PIP5K1B: variants seen among roughly 807,000 people sequenced by gnomAD.
PIP5K1B encodes the protein phosphatidylinositol 4-phosphate 5-kinase type-1 beta.
In PIP5K1B, 42 loss-of-function variants were observed where a neutral mutation model predicts 67.0. That is an observed-to-expected ratio of 0.63 (90% CI 0.49 to 0.81). The LOEUF (loss-of-function observed/expected upper bound fraction) is 0.81. PIP5K1B is among the 30% of genes least tolerant of loss of function. The probability of loss-of-function intolerance (pLI) is 0.00; values close to 1 mark genes in which losing one functional copy is unlikely to be tolerated. For missense variants in PIP5K1B, 459 were observed against 646.3 expected, an observed-to-expected ratio of 0.71 and a Z score of 3.14; for synonymous variants, 214 against 231.4, an observed-to-expected ratio of 0.92 and a Z score of 0.68.
chr9:68,994,979 TAA>T (rs142876737), intron 15 of PIP5K1B, among the ~76,000 whole-genome samples: 196 of 145,724 alleles, frequency 1.3e-3, no homozygotes, highest in Middle Eastern at 3.6e-3. Context: ...CTACAAAAAT[TAA>T]AAAAAAAAAA....
chr9:69,002,353 T>C (rs1888330), intron 15 of PIP5K1B, among the ~76,000 whole-genome samples: 149,238 of 152,322 alleles, frequency 0.98, 73,189 homozygotes, highest in East Asian at 1. Context: ...GAAATTTGGA[T>C]CTGAGCGTGC....
rs11143545 is a variant in PIP5K1B, at chr9:68,722,227, A to G, written c.-243+16465A>G. 5.8e-3 allele frequency among the ~76,000 whole-genome samples: 884 copies of G among 152,018 alleles called. 9 individuals are homozygous for G. The highest frequency in any genetic ancestry group is 0.02 in the African/African-American group (836 of 41,448). On this transcript the variant is annotated intron_variant, in intron 1 of 15. Transcript: ENST00000265382. ...TTATTTTTTATTTTTATTTTTTGAG[A>G]TGGAGTCTCCCTCTGTCACCCAGGC...
At chr9:68,926,917 T>C (rs1826735136) in intron 12 of PIP5K1B, among the ~76,000 whole-genome samples, 1 of 152,052 alleles carries the variant, frequency 6.6e-6, no homozygotes, top group Non-Finnish European at 1.5e-5. Context: ...AGAAACCCCA[T>C]ACCCATTAGC....
intron 4 of PIP5K1B, 94 bp downstream of exon 4, chr9:68,822,777 A>G: frequency 1.2e-6 from 1 of 861,246 alleles, no homozygotes; most frequent in South Asian, 1.5e-5. Context: ...AAGCAGTTGT[A>G]AGTTACTATC....
chr9:68,993,855 G>A (rs1040422184), intron 15 of PIP5K1B, among the ~76,000 whole-genome samples: 1 of 152,064 alleles, frequency 6.6e-6, no homozygotes, highest in Non-Finnish European at 1.5e-5. Flanking sequence ...TCCATGTGTG[G>A]TCCTGCCTAA....
At chr9:68,780,964 C>CT (rs773139435) in intron 2 of PIP5K1B, 3 of 1,614,216 alleles carry the variant, frequency 1.9e-6, no homozygotes, top group Non-Finnish European at 2.5e-6. Context: ...ACCACCGACT[C>CT]TCCTGTGTCA....
chr9:68,869,050 A>G (rs1587589045), intron 5 of PIP5K1B, among the ~76,000 whole-genome samples: 1 of 152,182 alleles, frequency 6.6e-6, no homozygotes, highest in Admixed American at 6.5e-5. Flanking sequence ...TCATCACTCA[A>G]TGTTACAGGT....
At chr9:68,780,515 G>C in intron 2 of PIP5K1B, 1 of 1,614,196 alleles carries the variant, frequency 6.2e-7, no homozygotes, top group Non-Finnish European at 8.5e-7. Flanking sequence ...GCCACTCCTG[G>C]GAGGAAAGTT....
intron 15 of PIP5K1B, among the ~76,000 whole-genome samples, chr9:69,000,107 A>G (rs1165898574): frequency 6.6e-6 from 1 of 152,046 alleles, no homozygotes; most frequent in Non-Finnish European, 1.5e-5. Context: ...TGCCCCCCTC[A>G]TCCATCAAGG....
intron 11 of PIP5K1B, 64 bp from the exon 12 acceptor site, chr9:68,923,238 T>A: frequency 1.1e-6 from 1 of 896,516 alleles, no homozygotes. Context: ...TGCATAGATC[T>A]CTCTTCTGAC....
intron 1 of PIP5K1B, among the ~76,000 whole-genome samples, chr9:68,740,116 G>A (rs1828933130): frequency 6.6e-6 from 1 of 152,166 alleles, no homozygotes; most frequent in African/African-American, 2.4e-5. Flanking sequence ...GATAAAGGGA[G>A]CAAAACAGAA....
At chr9:68,802,431 AATGGATGG>A (rs377615270) in intron 2 of PIP5K1B, among the ~76,000 whole-genome samples, 6 of 152,106 alleles carry the variant, frequency 3.9e-5, no homozygotes, top group Middle Eastern at 6.8e-3. Flanking sequence ...ATGGATAGAA[AATGGATGG>A]ATGGATGGAT....
At chr9:68,856,933 A>G (rs946429065) in intron 4 of PIP5K1B, among the ~76,000 whole-genome samples, 10 of 152,366 alleles carry the variant, frequency 6.6e-5, no homozygotes, top group Admixed American at 6.5e-4. Flanking sequence ...GGCAGGTGTG[A>G]TTAAGTTAAA....
At chr9:68,862,066 A>G (rs1823115318) in intron 4 of PIP5K1B, among the ~76,000 whole-genome samples, 1 of 152,172 alleles carries the variant, frequency 6.6e-6, no homozygotes, top group Non-Finnish European at 1.5e-5. Flanking sequence ...TCGTCCTCAC[A>G]CTAAAGGTGA....
At chr9:68,989,024 G>A (rs1830235050) in intron 14 of PIP5K1B, among the ~76,000 whole-genome samples, 1 of 137,104 alleles carries the variant, frequency 7.3e-6, no homozygotes. Context: ...GAGCCCAGGA[G>A]GCAGAGATTG....
intron 14 of PIP5K1B, among the ~76,000 whole-genome samples, chr9:68,981,368 T>C (rs1274338112): frequency 6.6e-6 from 1 of 151,568 alleles, no homozygotes; most frequent in African/African-American, 2.4e-5. Context: ...CTACCTTAGG[T>C]TAAGAATCTT....
At chr9:68,993,899 G>A (rs1270539447) in intron 15 of PIP5K1B, among the ~76,000 whole-genome samples, 2 of 152,070 alleles carry the variant, frequency 1.3e-5, no homozygotes, top group Non-Finnish European at 2.9e-5. Flanking sequence ...TGTTGTTATT[G>A]ACCATAAATA....
At chr9:68,978,922 A>G (rs995067353) in intron 14 of PIP5K1B, among the ~76,000 whole-genome samples, 48 of 152,062 alleles carry the variant, frequency 3.2e-4, no homozygotes, top group African/African-American at 1.2e-3. Context: ...TAACTTTCAC[A>G]TTTTGTCGGT....
At chr9:68,875,014 C>G (rs1344175180) in intron 5 of PIP5K1B, among the ~76,000 whole-genome samples, 4 of 151,990 alleles carry the variant, frequency 2.6e-5, no homozygotes, top group African/African-American at 7.3e-5. Flanking sequence ...ATTTAATCCC[C>G]TCCTAAATCC....
Sources: allele counts gnomAD v4.1 joint callset (sites outside exome capture counted in the v4.1 genomes callset), GRCh38; gene constraint gnomAD v4.1.1; transcripts MANE v1.5; gene names NCBI Gene and HGNC (gene_info 2026-07-23, HGNC 2026-07-21).